Variants in FYN observed in about 807,000 individuals in gnomAD.
FYN encodes FYN proto-oncogene, Src family tyrosine kinase.
A neutral mutation model predicts 70.2 loss-of-function variants in FYN; 10 were observed. That is an observed-to-expected ratio of 0.14 (90% CI 0.09 to 0.24). FYN has a LOEUF of 0.24. Among genes scored for constraint, FYN ranks in the 10% least tolerant of loss-of-function variants. FYN has a pLI of 1.00. For synonymous variants in FYN, 236 were observed against 248.6 expected (o/e 0.95, Z 0.48); for missense variants, 319 against 673.1 (o/e 0.47, Z 5.82).
At chr6:111,849,354 T>A (rs1314885040) in intron 1 of FYN, among the ~76,000 whole-genome samples, 1 of 152,158 alleles carries the variant, frequency 6.6e-6, no homozygotes. Context: ...AACTGAGCAA[T>A]CCTCAACTCT....
intron 3 of FYN, among the ~76,000 whole-genome samples, chr6:111,733,284 C>T (rs1554281727): frequency 6.6e-6 from 1 of 152,156 alleles, no homozygotes; most frequent in Non-Finnish European, 1.5e-5. Context: ...GTATATTTTA[C>T]AGTCAAGGAA....
rs77861852 is a variant in FYN at position 111,864,752 on chromosome 6, G to A, written c.-123+8216C>T. 1.2e-4 allele frequency among the ~76,000 whole-genome samples: 18 copies of A among 152,330 alleles called. No homozygotes were observed. The East Asian group carries it at 3.1e-3, about 26-fold the overall frequency. ...TGCAAAGCAAAGGCAAGGAGGCAGG[G>A]AATGAGGAACCACAGCTCTGGAGCA... On this transcript the variant is annotated intron_variant, in intron 1 of 13. Coordinates refer to ENST00000354650, the MANE Select transcript of FYN (RefSeq NM_002037.5).
intron 13 of FYN, among the ~76,000 whole-genome samples, chr6:111,669,212 A>C (rs1052658913): frequency 6.6e-6 from 1 of 152,166 alleles, no homozygotes; most frequent in African/African-American, 2.4e-5. Context: ...AGGAGAGTGG[A>C]TCACCTGAGG....
intron 3 of FYN, among the ~76,000 whole-genome samples, chr6:111,720,968 T>C (rs191158105): frequency 6.4e-4 from 97 of 152,238 alleles, no homozygotes; most frequent in Non-Finnish European, 1.3e-3. Flanking sequence ...CCTCCTTGTT[T>C]ACTTCCCACT....
At chr6:111,869,717 C>T (rs1337721677) in intron 1 of FYN, among the ~76,000 whole-genome samples, 1 of 152,158 alleles carries the variant, frequency 6.6e-6, no homozygotes, top group Non-Finnish European at 1.5e-5. Context: ...TAAGGACTCT[C>T]CTAGCAACTT....
chr6:111,846,677 A>G (rs868089182), intron 1 of FYN, 48 bp from the exon 2 acceptor site: 6 of 398,634 alleles, frequency 1.5e-5, no homozygotes, highest in African/African-American at 1.2e-4. Context: ...AGAACCAAGT[A>G]CTCTCTGCCT....
intron 1 of FYN, among the ~76,000 whole-genome samples, chr6:111,848,512 G>C (rs924267443): frequency 6.6e-5 from 10 of 152,070 alleles, no homozygotes; most frequent in Admixed American, 6.6e-4. Flanking sequence ...ACATATATAC[G>C]GCATCATCCA....
intron 4 of FYN, 173 bp downstream of exon 4, chr6:111,719,632 G>T: frequency 1.4e-6 from 1 of 734,260 alleles, no homozygotes; most frequent in Non-Finnish European, 2.1e-6. Context: ...CATTTTGTTT[G>T]TACATCAAAC....
intron 1 of FYN, among the ~76,000 whole-genome samples, chr6:111,868,312 T>C (rs975683320): frequency 6.6e-6 from 1 of 152,162 alleles, no homozygotes; most frequent in Non-Finnish European, 1.5e-5. Flanking sequence ...GTCTGGCAAA[T>C]AGAATACGCA....
intron 2 of FYN, among the ~76,000 whole-genome samples, chr6:111,807,259 G>A (rs936375860): frequency 2.0e-5 from 3 of 152,166 alleles, no homozygotes; most frequent in East Asian, 1.9e-4. Context: ...CTCAGCAGAC[G>A]ATGGTGAGGA....
At chr6:111,776,858 C>T (rs1583433957) in intron 3 of FYN, among the ~76,000 whole-genome samples, 1 of 152,196 alleles carries the variant, frequency 6.6e-6, no homozygotes, top group Non-Finnish European at 1.5e-5. Flanking sequence ...CAAAAGCTCT[C>T]AGCGACTCAC....
chr6:111,851,115 A>G (rs1773673991), intron 1 of FYN, among the ~76,000 whole-genome samples: 1 of 152,196 alleles, frequency 6.6e-6, no homozygotes, highest in Non-Finnish European at 1.5e-5. Context: ...ACATGGTACT[A>G]GACATTGGTA....
chr6:111,753,945 G>A (rs1453492080), intron 3 of FYN, among the ~76,000 whole-genome samples: 1 of 152,180 alleles, frequency 6.6e-6, no homozygotes, highest in Non-Finnish European at 1.5e-5. Flanking sequence ...TGGTCATCAT[G>A]GAGGCCCTGC....
At chr6:111,838,637 G>A (rs1773261210) in intron 2 of FYN, among the ~76,000 whole-genome samples, 1 of 152,208 alleles carries the variant, frequency 6.6e-6, no homozygotes. Flanking sequence ...GTTGAAAGGA[G>A]ATAGTTAATT....
chr6:111,682,826 G>A (rs1331187932), intron 12 of FYN, among the ~76,000 whole-genome samples: 1 of 152,204 alleles, frequency 6.6e-6, no homozygotes, highest in Non-Finnish European at 1.5e-5. Flanking sequence ...ACCTCCTAAG[G>A]TTGTGGTGGG....
chr6:111,757,065 A>C (rs1802771358), intron 3 of FYN, among the ~76,000 whole-genome samples: 1 of 152,204 alleles, frequency 6.6e-6, no homozygotes, highest in African/African-American at 2.4e-5. Flanking sequence ...AAAAACTTGT[A>C]ATTATTTATA....
chr6:111,677,472 T>C (rs1188525866), intron 12 of FYN, among the ~76,000 whole-genome samples: 5 of 152,202 alleles, frequency 3.3e-5, no homozygotes, highest in African/African-American at 1.2e-4. Flanking sequence ...CAGCTCTAAA[T>C]GTGGTGGAGT....
At chr6:111,767,711 T>C (rs543973655) in intron 3 of FYN, among the ~76,000 whole-genome samples, 5 of 152,328 alleles carry the variant, frequency 3.3e-5, no homozygotes, top group South Asian at 4.1e-4. Flanking sequence ...TTAGGTGCTA[T>C]CTTGAAAATT....
intron 2 of FYN, among the ~76,000 whole-genome samples, chr6:111,834,620 A>C (rs1773120100): frequency 1.3e-5 from 2 of 152,182 alleles, no homozygotes; most frequent in African/African-American, 4.8e-5. Flanking sequence ...GGTGGTGCCA[A>C]CCTTGCTGCA....
Sources: allele counts gnomAD v4.1 joint callset (sites outside exome capture counted in the v4.1 genomes callset), GRCh38; gene constraint gnomAD v4.1.1; transcripts MANE v1.5; gene names NCBI Gene and HGNC (gene_info 2026-07-23, HGNC 2026-07-21).